PTPRD: variants seen among roughly 807,000 people sequenced by gnomAD.
PTPRD encodes receptor-type tyrosine-protein phosphatase delta.
A neutral mutation model predicts 214.5 loss-of-function variants in PTPRD; 34 were observed. That is an observed-to-expected ratio of 0.16 (90% CI 0.12 to 0.21). The LOEUF (loss-of-function observed/expected upper bound fraction) is 0.21, where lower values mean the gene tolerates loss of function less well. Ranked by LOEUF, PTPRD falls within the 10% of genes least tolerant of loss-of-function variation. The pLI is 1.00. For missense variants in PTPRD, 2,545 were observed against 2,398.7 expected (o/e 1.06, Z -1.27); for synonymous variants, 1,128 against 845.7 (o/e 1.33, Z -5.79).
intron 5 of PTPRD, among the ~76,000 whole-genome samples, chr9:9,783,909 C>T (rs888910366): frequency 2.0e-5 from 3 of 148,452 alleles, no homozygotes; most frequent in Admixed American, 6.8e-5. Context: ...GCAAGTGATA[C>T]TGAAGGCAAC....
chr9:9,613,131 CATACATAT>C (rs1445009288), intron 7 of PTPRD, among the ~76,000 whole-genome samples: 1,600 of 40,890 alleles, frequency 0.039, 112 homozygotes, highest in African/African-American at 0.1. Context: ...AGTATACATA[CATACATAT>C]ATATATATAT....
At chr9:9,743,988 T>A (rs572160534) in intron 6 of PTPRD, among the ~76,000 whole-genome samples, 47 of 152,266 alleles carry the variant, frequency 3.1e-4, no homozygotes, top group Non-Finnish European at 5.3e-4. Flanking sequence ...ATGTTCTACA[T>A]AATGCATCTG....
intron 14 of PTPRD, among the ~76,000 whole-genome samples, chr9:8,614,413 T>C (rs1447195273): frequency 2.6e-4 from 39 of 152,252 alleles, no homozygotes; most frequent in East Asian, 1.9e-3. Flanking sequence ...GGTTTATTCA[T>C]AGTAAAAGAC....
chr9:8,822,119 A>C (rs1215260095), intron 11 of PTPRD, among the ~76,000 whole-genome samples: 2 of 152,230 alleles, frequency 1.3e-5, no homozygotes, highest in African/African-American at 4.8e-5. Context: ...TTTGCTTAGT[A>C]AGCATTTTTC....
At chr9:9,790,982 T>C (rs973544162) in intron 5 of PTPRD, among the ~76,000 whole-genome samples, 1 of 152,180 alleles carries the variant, frequency 6.6e-6, no homozygotes, top group Non-Finnish European at 1.5e-5. Flanking sequence ...GTACATATCA[T>C]AAATATATAT....
In PTPRD at chr9:8,588,608, T is replaced by G. The variant is rs898773307; in HGVS notation, c.352+44709A>C. On this transcript the variant is annotated intron_variant, in intron 14 of 45. Coordinates refer to ENST00000381196, the MANE Select transcript of PTPRD (RefSeq NM_002839.4). ...AATGTGATAACTGTATCAGAAAACATTTAGGAGAAAAGATATTTTCATTTT... is the reference window on the plus strand; with the variant it reads ...AATGTGATAACTGTATCAGAAAACAGTTAGGAGAAAAGATATTTTCATTTT... Among the ~76,000 whole-genome samples the G allele has an allele frequency of 3.3e-4, 51 of 152,300 alleles. 1 individual carries two copies. The highest frequency in any genetic ancestry group is 1.2e-3 in the African/African-American group (50 of 41,574).
intron 2 of PTPRD, among the ~76,000 whole-genome samples, chr9:10,391,139 T>C (rs1339096258): frequency 6.6e-6 from 1 of 151,784 alleles, no homozygotes; most frequent in African/African-American, 2.4e-5. Flanking sequence ...TTTCTCTGGA[T>C]TGGATGCAGT....
At chr9:8,980,814 C>T (rs1433536) in intron 11 of PTPRD, among the ~76,000 whole-genome samples, 30,694 of 151,946 alleles carry the variant, frequency 0.2, 3,200 homozygotes, top group East Asian at 0.36. Flanking sequence ...TGGGGACTTA[C>T]GGTGTACATT....
intron 10 of PTPRD, among the ~76,000 whole-genome samples, chr9:9,174,563 T>A (rs1170481400): frequency 6.6e-6 from 1 of 152,184 alleles, no homozygotes; most frequent in East Asian, 1.9e-4. Context: ...TATACATAAA[T>A]GCTATCTCAG....
At chr9:8,463,683 G>T (rs2096477888) in intron 32 of PTPRD, among the ~76,000 whole-genome samples, 2 of 151,894 alleles carry the variant, frequency 1.3e-5, no homozygotes, top group African/African-American at 2.4e-5. Flanking sequence ...TCTTGTGCGT[G>T]GCAATAAGAG....
At chr9:9,555,586 A>G (rs74878274) in intron 8 of PTPRD, among the ~76,000 whole-genome samples, 2,479 of 152,224 alleles carry the variant, frequency 0.016, 38 homozygotes, top group Admixed American at 0.024. Context: ...AAAGCATCTT[A>G]ACTGATTTCT....
At chr9:9,834,824 T>G (rs776340467) in intron 5 of PTPRD, among the ~76,000 whole-genome samples, 1 of 152,192 alleles carries the variant, frequency 6.6e-6, no homozygotes, top group African/African-American at 2.4e-5. Flanking sequence ...GATTAGCATA[T>G]ATTTAATTGA....
In PTPRD at chr9:8,704,295, T is replaced by G. The variant is rs142621564; in HGVS notation, c.64+29485A>C. On this transcript the variant is annotated intron_variant, in intron 12 of 45. Coordinates refer to ENST00000381196, the MANE Select transcript of PTPRD (RefSeq NM_002839.4). ...ACACACTCCCTAAACTCCAGCCGAA[T>G]TGGTTTCCTCTCAGTAATATAATCT... Among the ~76,000 whole-genome samples the G allele has an allele frequency of 3.7e-3, 569 of 152,218 alleles. 8 individuals are homozygous for G. Among genetic ancestry groups the G allele is most frequent in the African/African-American group, 0.013 (544 of 41,528 alleles).
chr9:10,107,784 C>T (rs1358165794), intron 3 of PTPRD, among the ~76,000 whole-genome samples: 2 of 152,054 alleles, frequency 1.3e-5, no homozygotes, highest in Admixed American at 1.3e-4. Context: ...ATTAGAACTG[C>T]AATGTCAACT....
chr9:9,552,770 T>A (rs977352966), intron 8 of PTPRD, among the ~76,000 whole-genome samples: 4 of 152,100 alleles, frequency 2.6e-5, no homozygotes, highest in Non-Finnish European at 5.9e-5. Flanking sequence ...ACATGGCTGC[T>A]TTTCAAAGAT....
At chr9:10,092,639 T>G (rs1189874352) in intron 3 of PTPRD, among the ~76,000 whole-genome samples, 2 of 151,426 alleles carry the variant, frequency 1.3e-5, no homozygotes, top group African/African-American at 4.8e-5. Context: ...AGAGCCCAAA[T>G]AGCCAAGTCA....
chr9:9,238,942 T>C (rs1221774345), intron 9 of PTPRD, among the ~76,000 whole-genome samples: 1 of 152,118 alleles, frequency 6.6e-6, no homozygotes, highest in Non-Finnish European at 1.5e-5. Flanking sequence ...TTCCAAGTGG[T>C]CTTTGGAAAC....
intron 22 of PTPRD, 62 bp downstream of exon 22, chr9:8,507,239 A>G: frequency 6.4e-7 from 1 of 1,565,190 alleles, no homozygotes; most frequent in Non-Finnish European, 8.7e-7. Context: ...TAAATACACA[A>G]AAATAAAAAA....
chr9:9,971,242 T>C (rs1472342660), intron 4 of PTPRD, among the ~76,000 whole-genome samples: 2 of 152,160 alleles, frequency 1.3e-5, no homozygotes, highest in Non-Finnish European at 2.9e-5. Flanking sequence ...TTCTTCAGTC[T>C]GAGTGGTTAT....
Sources: allele counts gnomAD v4.1 joint callset (sites outside exome capture counted in the v4.1 genomes callset), GRCh38; gene constraint gnomAD v4.1.1; transcripts MANE v1.5; gene names NCBI Gene and HGNC (gene_info 2026-07-23, HGNC 2026-07-21).